NSUN3: variants seen among roughly 807,000 people sequenced by gnomAD.
NSUN3 encodes tRNA (cytosine(34)-C(5))-methyltransferase, mitochondrial.
In NSUN3, 24 loss-of-function variants were observed where a neutral mutation model predicts 36.8. The ratio of observed to expected loss-of-function variants is 0.65; its 90% CI spans 0.47 to 0.92. The LOEUF is 0.92. Among genes scored for constraint, NSUN3 ranks in the 40% least tolerant of loss-of-function variants. The pLI is 0.00. For synonymous variants in NSUN3, 146 were observed against 145.2 expected, an observed-to-expected ratio of 1.01 and a Z score of -0.04; for missense variants, 381 against 392.8, an observed-to-expected ratio of 0.97 and a Z score of 0.25.
At position 94,104,572 on chromosome 3, in the gene NSUN3, A is replaced by G. The variant is rs150105562; in HGVS notation, c.743+9418A>G. 7.7e-4 allele frequency among the ~76,000 whole-genome samples: 117 copies of G among 152,340 alleles called. No individual in the cohort carries two copies. In the East Asian group the frequency reaches 0.015, roughly 20 times the overall value. ...TCCAACCAGCTATTAGACAGAAAAT[A>G]AAAGCCTTGCCCCTTACATGCTTGG... On this transcript the variant is annotated intron_variant, in intron 5 of 5. Transcript: ENST00000314622.
chr3:94,112,784 A>G (rs952582356), intron 5 of NSUN3, among the ~76,000 whole-genome samples: 1 of 152,342 alleles, frequency 6.6e-6, no homozygotes, highest in East Asian at 1.9e-4. Context: ...ATGAGAACAG[A>G]TACTGAAGAG....
At position 94,090,639 on chromosome 3, in the gene NSUN3, C is replaced by G. The variant is rs567478882; in HGVS notation, c.467-3501C>G. Reference sequence around the variant, plus strand: ...CAGACTGGGTACCCTAACCAACCCCCCTTAAGAAAATAACTAAAAATGTAG... The same window carrying G: ...CAGACTGGGTACCCTAACCAACCCCGCTTAAGAAAATAACTAAAAATGTAG... On this transcript the variant is annotated intron_variant, in intron 3 of 5. Coordinates refer to ENST00000314622, the MANE Select transcript of NSUN3 (RefSeq NM_022072.5). 2.0e-5 allele frequency among the ~76,000 whole-genome samples: 3 copies of G among 152,084 alleles called. No individual in the cohort carries two copies. The South Asian group carries it at 6.2e-4, about 32-fold the overall frequency.
intron 5 of NSUN3, among the ~76,000 whole-genome samples, chr3:94,119,536 C>G (rs1041880969): frequency 2.0e-5 from 3 of 152,086 alleles, no homozygotes; most frequent in Non-Finnish European, 4.4e-5. Context: ...GCCTGCTCAC[C>G]CACCACTCAA....
intron 5 of NSUN3, among the ~76,000 whole-genome samples, chr3:94,114,127 T>G (rs1047150866): frequency 6.6e-6 from 1 of 152,236 alleles, no homozygotes; most frequent in African/African-American, 2.4e-5. Context: ...TAGTTATTTT[T>G]TACCTTCAAT....
chr3:94,105,379 C>T (rs2077384625), intron 5 of NSUN3, among the ~76,000 whole-genome samples: 1 of 152,162 alleles, frequency 6.6e-6, no homozygotes, highest in African/African-American at 2.4e-5. Flanking sequence ...TTCTGCCACT[C>T]ACTACAGGAA....
intron 1 of NSUN3, 74 bp downstream of exon 1, chr3:94,063,212 G>T: frequency 6.7e-7 from 1 of 1,481,820 alleles, no homozygotes; most frequent in Non-Finnish European, 9.4e-7. Context: ...TGGCGAGGGA[G>T]GGTGCTGGGA....
chr3:94,070,525 G>C (rs1441843344), intron 2 of NSUN3, among the ~76,000 whole-genome samples: 1 of 152,160 alleles, frequency 6.6e-6, no homozygotes, highest in Non-Finnish European at 1.5e-5. Flanking sequence ...GTGAGAAATA[G>C]AAAGACTTTT....
rs369141003 is a variant in NSUN3, at chr3:94,074,045, A to G, written c.122+9499A>G. The stretch of plus-strand genomic sequence containing the variant: ...CTAGCCAGTTTTCCCAGCACCATTT[A>G]TTAAATAGGGAATCCTTTCCCCATT... On this transcript the variant is annotated intron_variant, in intron 2 of 5. Coordinates refer to ENST00000314622, the MANE Select transcript of NSUN3 (RefSeq NM_022072.5). Among the ~76,000 whole-genome samples the G allele has an allele frequency of 2.6e-5, 4 of 152,308 alleles. No individual in the cohort carries two copies. The East Asian group carries it at 5.8e-4, about 22-fold the overall frequency.
chr3:94,125,580 C>A (rs532359975), intron 5 of NSUN3, among the ~76,000 whole-genome samples: 74 of 152,316 alleles, frequency 4.9e-4, no homozygotes, highest in South Asian at 3.7e-3. Context: ...TGTATGCTTT[C>A]ATATGTATGC....
At chr3:94,110,555 T>C (rs575641467) in intron 5 of NSUN3, among the ~76,000 whole-genome samples, 2 of 152,094 alleles carry the variant, frequency 1.3e-5, no homozygotes, top group Non-Finnish European at 2.9e-5. Context: ...CTCATTAACA[T>C]ACACTAACAT....
chr3:94,070,594 C>A (rs1471092678), intron 2 of NSUN3, among the ~76,000 whole-genome samples: 1 of 152,180 alleles, frequency 6.6e-6, no homozygotes, highest in East Asian at 1.9e-4. Flanking sequence ...CCTCAACTTT[C>A]ATGTATTCTC....
intron 2 of NSUN3, among the ~76,000 whole-genome samples, chr3:94,072,177 T>TG (rs1197055328): frequency 6.6e-6 from 1 of 152,158 alleles, no homozygotes; most frequent in Non-Finnish European, 1.5e-5. Flanking sequence ...CATGGCCACT[T>TG]GCACTAAGTG....
rs193287293 is a variant in NSUN3 at position 94,065,111 on chromosome 3, G to A, written c.122+565G>A. Among the ~76,000 whole-genome samples, 273 of 152,312 alleles carry A rather than the reference G, an allele frequency of 1.8e-3. 1 individual carries two copies. The highest frequency in any genetic ancestry group is 2.2e-3 in the Non-Finnish European group (152 of 68,034). Reference sequence around the variant, plus strand: ...GTCTGTTTGGTAAGATGATGTTAATGTATGGATTACTGTATGGGTTCTTGA... The same window carrying A: ...GTCTGTTTGGTAAGATGATGTTAATATATGGATTACTGTATGGGTTCTTGA... On this transcript the variant is annotated intron_variant, in intron 2 of 5. Coordinates refer to ENST00000314622, the MANE Select transcript of NSUN3 (RefSeq NM_022072.5).
chr3:94,087,167 A>G (rs2077295512), intron 3 of NSUN3, among the ~76,000 whole-genome samples: 1 of 152,216 alleles, frequency 6.6e-6, no homozygotes, highest in Non-Finnish European at 1.5e-5. Context: ...AGGACTAATG[A>G]TAATGATTTA....
intron 5 of NSUN3, among the ~76,000 whole-genome samples, chr3:94,102,202 T>TAAA (rs5850923): frequency 0.014 from 1,412 of 101,132 alleles, 28 homozygotes; most frequent in African/African-American, 0.045. Flanking sequence ...AAAGAAACGT[T>TAAA]AAAAAAAAAA....
At chr3:94,070,333 T>C (rs1434525121) in intron 2 of NSUN3, among the ~76,000 whole-genome samples, 1 of 152,034 alleles carries the variant, frequency 6.6e-6, no homozygotes, top group East Asian at 1.9e-4. Context: ...TGGTGGTGCG[T>C]GCCTGTAGGC....
intron 2 of NSUN3, chr3:94,075,969 C>T (rs2077244093): frequency 6.4e-7 from 1 of 1,570,548 alleles, no homozygotes; most frequent in East Asian, 2.2e-5. Context: ...TAAATGTTCT[C>T]TGCCATTTGC....
At chr3:94,101,098 C>T (rs1178253927) in intron 5 of NSUN3, among the ~76,000 whole-genome samples, 2 of 151,882 alleles carry the variant, frequency 1.3e-5, no homozygotes, top group African/African-American at 4.8e-5. Context: ...CTCAAGTGAT[C>T]CTCTCACCTA....
intron 5 of NSUN3, among the ~76,000 whole-genome samples, chr3:94,097,910 C>T (rs1208416183): frequency 1.3e-5 from 2 of 152,120 alleles, no homozygotes; most frequent in African/African-American, 2.4e-5. Flanking sequence ...TGAGCTTAGA[C>T]TATCTCTCAA....
Sources: allele counts gnomAD v4.1 joint callset (sites outside exome capture counted in the v4.1 genomes callset), GRCh38; gene constraint gnomAD v4.1.1; transcripts MANE v1.5; gene names NCBI Gene and HGNC (gene_info 2026-07-23, HGNC 2026-07-21).